Variants in OSBPL11 observed in about 807,000 individuals in gnomAD.
OSBPL11 encodes oxysterol binding protein like 11, also known as oxysterol-binding protein-related protein 11.
In OSBPL11, 33 loss-of-function variants were observed where a neutral mutation model predicts 84.4. The observed-to-expected ratio is 0.39, with a 90% CI of 0.30 to 0.52. The LOEUF (loss-of-function observed/expected upper bound fraction) is 0.52. OSBPL11 is among the 20% of genes least tolerant of loss of function. OSBPL11 has a pLI of 0.72. For synonymous variants in OSBPL11, 276 were observed against 310.2 expected, an observed-to-expected ratio of 0.89 and a Z score of 1.16; for missense variants, 736 against 901.1, an observed-to-expected ratio of 0.82 and a Z score of 2.35.
At chr3:125,552,139 GTGTATATATA>G in intron 9 of OSBPL11, 32 bp downstream of exon 9, 2 of 1,001,758 alleles carry the variant, frequency 2.0e-6, no homozygotes, top group Admixed American at 3.3e-5. Flanking sequence ...ATATGTGTGT[GTGTATATATA>G]TATATATATA....
At position 125,567,584 on chromosome 3, in the gene OSBPL11, A is replaced by G. The variant is rs763552764; in HGVS notation, c.678T>C (p.His226=). Reference sequence around the variant, plus strand: ...TTAAGTCTCTTTGTTGTCCTTCAGCATGAGACATCATCTAAGGAAAAAACA... The same window carrying G: ...TTAAGTCTCTTTGTTGTCCTTCAGCGTGAGACATCATCTAAGGAAAAAACA... ...HLVEVREMMS[H]AEGQQRDLIR... is the part of the protein sequence containing the mutation. Residue 226 remains histidine, a synonymous_variant, in exon 6 of 13, where the codon CAT becomes CAC. Coordinates refer to ENST00000296220, the MANE Select transcript of OSBPL11 (RefSeq NM_022776.5). 29 of 1,613,790 alleles carry G rather than the reference A, an allele frequency of 1.8e-5. No homozygotes were observed. The East Asian group carries it at 6.2e-4, about 35-fold the overall frequency.
intron 1 of OSBPL11, among the ~76,000 whole-genome samples, chr3:125,593,636 T>A (rs995350295): frequency 8.0e-5 from 12 of 150,840 alleles, no homozygotes; most frequent in Admixed American, 4.0e-4. Flanking sequence ...AAAAAAAAAA[T>A]TATAATCTTC....
At chr3:125,594,190 G>T (rs778694973) in intron 1 of OSBPL11, among the ~76,000 whole-genome samples, 1 of 152,186 alleles carries the variant, frequency 6.6e-6, no homozygotes, top group Admixed American at 6.5e-5. Context: ...AATACCTTCA[G>T]GGCAAGAATC....
intron 8 of OSBPL11, among the ~76,000 whole-genome samples, chr3:125,557,992 C>T (rs1936017322): frequency 6.6e-6 from 1 of 151,914 alleles, no homozygotes; most frequent in South Asian, 2.1e-4. Flanking sequence ...CAGGGTTTCG[C>T]CATGTTGGCT....
At chr3:125,561,120 C>T (rs1406862954) in intron 7 of OSBPL11, among the ~76,000 whole-genome samples, 1 of 152,116 alleles carries the variant, frequency 6.6e-6, no homozygotes, top group Non-Finnish European at 1.5e-5. Context: ...GCCTCACCCT[C>T]CCAAGTAGCT....
At chr3:125,571,167 G>A (rs1415586043) in intron 5 of OSBPL11, among the ~76,000 whole-genome samples, 1 of 152,170 alleles carries the variant, frequency 6.6e-6, no homozygotes, top group Non-Finnish European at 1.5e-5. Context: ...CAAAAAGACT[G>A]GTGGCATTTT....
chr3:125,568,803 A>C (rs1275530921), intron 5 of OSBPL11, among the ~76,000 whole-genome samples: 2 of 152,192 alleles, frequency 1.3e-5, no homozygotes, highest in Non-Finnish European at 2.9e-5. Context: ...TTTTAGAGGA[A>C]AAGTGAATTT....
At position 125,580,048 on chromosome 3, in the gene OSBPL11, G is replaced by T; in HGVS notation, c.234-8C>A. 1.3e-6 allele frequency: 2 copies of T among 1,598,700 alleles called. No individual in the cohort carries two copies. The highest frequency in any genetic ancestry group is 1.7e-6 in the Non-Finnish European group (2 of 1,173,936). On this transcript the variant is annotated splice_polypyrimidine_tract_variant and splice_region_variant and intron_variant, in intron 2 of 12. Coordinates refer to ENST00000296220, the MANE Select transcript of OSBPL11 (RefSeq NM_022776.5). ...TTGTTTAAAACAAAAAACCTGTAAT[G>T]ATTTTTTAAAATCCATAATTTGTAA...
At chr3:125,531,035 G>T (rs1935547664) in intron 12 of OSBPL11, among the ~76,000 whole-genome samples, 1 of 151,584 alleles carries the variant, frequency 6.6e-6, no homozygotes, top group African/African-American at 2.4e-5. Context: ...AGGCTGGAGT[G>T]CAGTGGCACA....
chr3:125,584,674 T>C (rs1170730155), intron 1 of OSBPL11, among the ~76,000 whole-genome samples: 2 of 152,224 alleles, frequency 1.3e-5, no homozygotes, highest in African/African-American at 2.4e-5. Flanking sequence ...AGACTGTATG[T>C]ATTCTTCAAA....
At chr3:125,550,232 G>T (rs1004094234) in intron 9 of OSBPL11, among the ~76,000 whole-genome samples, 3 of 151,984 alleles carry the variant, frequency 2.0e-5, no homozygotes, top group African/African-American at 7.3e-5. Flanking sequence ...AAAATTGGTT[G>T]GGCATGGTGG....
At position 125,540,328 on chromosome 3, in the gene OSBPL11, C is replaced by CAAAAAAAAAAAAA. The variant is rs201858368; in HGVS notation, c.1842-1708_1842-1696dup. ...TGGGCGACAGAGGATGGCTCTGTCTCAAAAAAAAAAAAAAAAAAAAAAAAA... is the reference window on the plus strand; with the variant it reads ...TGGGCGACAGAGGATGGCTCTGTCTCAAAAAAAAAAAAAAAAAAAAAAAAAAAAAAAAAAAAAA... On this transcript the variant is annotated intron_variant, in intron 10 of 12. Coordinates refer to ENST00000296220, the MANE Select transcript of OSBPL11 (RefSeq NM_022776.5). Among the ~76,000 whole-genome samples, 41 of 85,322 alleles carry CAAAAAAAAAAAAA rather than the reference C, an allele frequency of 4.8e-4. 4 individuals carry two copies. Among genetic ancestry groups the CAAAAAAAAAAAAA allele is most frequent in the Non-Finnish European group, 6.8e-4 (32 of 47,030 alleles). The allele number at this position is 85,322 out of a possible 152,430, so 56.0% of individuals were successfully genotyped here.
At chr3:125,560,041 C>A (rs551530665) in intron 8 of OSBPL11, among the ~76,000 whole-genome samples, 3 of 152,092 alleles carry the variant, frequency 2.0e-5, no homozygotes, top group South Asian at 4.2e-4. Context: ...GTGGGAGGAT[C>A]ACGAGGTCAG....
At chr3:125,557,219 C>T (rs1936004429) in intron 8 of OSBPL11, among the ~76,000 whole-genome samples, 1 of 152,110 alleles carries the variant, frequency 6.6e-6, no homozygotes, top group African/African-American at 2.4e-5. Context: ...TTATTCACAA[C>T]ATGAAGGCTA....
chr3:125,535,213 A>G (rs1935623260), intron 11 of OSBPL11, among the ~76,000 whole-genome samples: 4 of 151,946 alleles, frequency 2.6e-5, no homozygotes, highest in Admixed American at 2.6e-4. Context: ...ATTAGGAACT[A>G]TATGACAATA....
Position 125,552,366 on chromosome 3 carries a change from T to A in OSBPL11, c.1469A>T (p.Glu490Val). ...GVTNHAPLSGESLTQVGSDCY... is the reference protein window; with the variant it reads ...GVTNHAPLSGVSLTQVGSDCY... ...GTCTGATCCCACCTGGGTCAAAGAC[T>A]CCCCCGATAAAGGAGCATGATTTGT... Residue 490 changes from glutamate (E) to valine (V), a missense_variant, in exon 9 of 13, where the codon GAG (glutamate) becomes GTG (valine). Glu to Val is a moderately radical substitution (Grantham distance 121, BLOSUM62 -2). This residue lies in a region of OSBPL11 where 579 missense variants were observed against 717.6 expected (regional missense o/e 0.81). Coordinates refer to ENST00000296220, the MANE Select transcript of OSBPL11 (RefSeq NM_022776.5). The A allele has an allele frequency of 6.2e-7, 1 of 1,613,958 alleles. No individual in the cohort carries two copies.
intron 6 of OSBPL11, among the ~76,000 whole-genome samples, chr3:125,566,171 A>G (rs1025244535): frequency 6.6e-6 from 1 of 151,878 alleles, no homozygotes; most frequent in Non-Finnish European, 1.5e-5. Context: ...ATGCCCAGCT[A>G]ATTTTTGTAC....
chr3:125,587,763 T>G (rs1289135388), intron 1 of OSBPL11, among the ~76,000 whole-genome samples: 1 of 151,990 alleles, frequency 6.6e-6, no homozygotes, highest in Non-Finnish European at 1.5e-5. Context: ...CACAGTGAGA[T>G]CCTGTCTCTA....
At chr3:125,550,271 A>G (rs1448923477) in intron 9 of OSBPL11, among the ~76,000 whole-genome samples, 1 of 151,724 alleles carries the variant, frequency 6.6e-6, no homozygotes, top group East Asian at 1.9e-4. Flanking sequence ...GCTACTGTGG[A>G]AGCTGGGGTG....
Sources: allele counts gnomAD v4.1 joint callset (sites outside exome capture counted in the v4.1 genomes callset), GRCh38; gene constraint gnomAD v4.1.1; regional missense constraint gnomAD v4.1.1; transcripts MANE v1.5; gene names NCBI Gene and HGNC (gene_info 2026-07-23, HGNC 2026-07-21).